Variants in BCAR3 observed in about 807,000 individuals in gnomAD.
BCAR3 encodes breast cancer anti-estrogen resistance protein 3.
In BCAR3, 37 loss-of-function variants were observed where a neutral mutation model predicts 80.1. The ratio of observed to expected loss-of-function variants is 0.46; its 90% confidence interval spans 0.36 to 0.61. BCAR3 has a LOEUF of 0.61. Ranked by LOEUF, BCAR3 falls within the 20% of genes least tolerant of loss-of-function variation. BCAR3 has a pLI of 0.00. For missense variants in BCAR3, 978 were observed against 1,068.2 expected (o/e 0.92, Z 1.18); for synonymous variants, 389 against 418.9 (o/e 0.93, Z 0.87).
chr1:93,702,290 G>A (rs1400587917), intron 3 of BCAR3, among the ~76,000 whole-genome samples: 1 of 152,182 alleles, frequency 6.6e-6, no homozygotes, highest in Non-Finnish European at 1.5e-5. Context: ...ATGGCGGGGA[G>A]GGGCAAGTTA....
At chr1:93,722,283 G>A (rs1650433384) in intron 2 of BCAR3, among the ~76,000 whole-genome samples, 1 of 152,194 alleles carries the variant, frequency 6.6e-6, no homozygotes, top group African/African-American at 2.4e-5. Flanking sequence ...TTGGCTTCTT[G>A]GCCTTTACTG....
chr1:93,818,364 C>G (rs1449838934), intron 2 of BCAR3, among the ~76,000 whole-genome samples: 1 of 152,194 alleles, frequency 6.6e-6, no homozygotes, highest in African/African-American at 2.4e-5. Context: ...CTTCTCAGGG[C>G]CTTCCTCTTC....
chr1:93,707,045 G>C, intron 2 of BCAR3, among the ~76,000 whole-genome samples: 1 of 151,434 alleles, frequency 6.6e-6, no homozygotes, highest in East Asian at 1.9e-4. Flanking sequence ...TGTGGTGGCG[G>C]GCGCCTGTAA....
chr1:93,597,317 T>C (rs1366958990), intron 3 of BCAR3, among the ~76,000 whole-genome samples: 2 of 152,216 alleles, frequency 1.3e-5, no homozygotes, highest in East Asian at 3.8e-4. Flanking sequence ...CCCCCTCTTG[T>C]CCAACCAAAT....
chr1:93,645,906 G>T (rs1167763503), intron 2 of BCAR3, among the ~76,000 whole-genome samples: 1 of 151,748 alleles, frequency 6.6e-6, no homozygotes, highest in African/African-American at 2.4e-5. Context: ...GAAAATTTAG[G>T]ACTATTTAGC....
At chr1:93,576,837 C>CAACT (rs1673479196) in intron 7 of BCAR3, among the ~76,000 whole-genome samples, 1 of 152,186 alleles carries the variant, frequency 6.6e-6, no homozygotes, top group African/African-American at 2.4e-5. Context: ...AGAAGTGTTA[C>CAACT]AACTGAGCCA....
intron 1 of BCAR3, among the ~76,000 whole-genome samples, chr1:93,679,989 T>C (rs1409769200): frequency 6.6e-6 from 1 of 152,214 alleles, no homozygotes; most frequent in Non-Finnish European, 1.5e-5. Flanking sequence ...GGATCTGTAG[T>C]TTTATAACTT....
chr1:93,834,898 A>T (rs1051700471), intron 2 of BCAR3, among the ~76,000 whole-genome samples: 12 of 152,048 alleles, frequency 7.9e-5, no homozygotes, highest in African/African-American at 2.4e-4. Flanking sequence ...TCTCTGATCC[A>T]CCTGACATTC....
chr1:93,845,158 T>C (rs1215964092), intron 2 of BCAR3, among the ~76,000 whole-genome samples: 5 of 151,966 alleles, frequency 3.3e-5, no homozygotes, highest in Non-Finnish European at 7.4e-5. Context: ...TGTCACTTAA[T>C]CACGTCAATG....
At position 93,592,261 on chromosome 1, in the gene BCAR3, G is replaced by A. The variant is rs1570944126; in HGVS notation, c.486+4C>T. Reference sequence around the variant, plus strand: ...TATGCTCTGGAAGGGACAAGACCAGGTACCTGTCGGGGGATGCGGCCGTGG... The same window carrying A: ...TATGCTCTGGAAGGGACAAGACCAGATACCTGTCGGGGGATGCGGCCGTGG... On this transcript the variant is annotated splice_donor_region_variant and intron_variant, in intron 4 of 11. Coordinates refer to ENST00000260502, the MANE Select transcript of BCAR3 (RefSeq NM_003567.4). The surrounding 1 kb of genome is among the most constrained non-coding windows in gnomAD (Gnocchi z 4.8). The A allele has an allele frequency of 1.9e-6, 3 of 1,613,474 alleles. No individual in the cohort carries two copies. Among genetic ancestry groups the A allele is most frequent in the Non-Finnish European group, 2.5e-6 (3 of 1,180,020 alleles).
chr1:93,752,820 T>C (rs1287348191), intron 2 of BCAR3: 14 of 152,338 alleles, frequency 9.2e-5, no homozygotes, highest in African/African-American at 3.4e-4. Flanking sequence ...GGACTAAGCT[T>C]GACTTCTGTC....
intron 2 of BCAR3, among the ~76,000 whole-genome samples, chr1:93,735,504 C>T (rs1650944362): frequency 6.6e-6 from 1 of 152,140 alleles, no homozygotes; most frequent in Non-Finnish European, 1.5e-5. Flanking sequence ...AAATGTGCTC[C>T]ACATGAAATA....
chr1:93,590,054 G>A (rs1674107454), intron 4 of BCAR3, among the ~76,000 whole-genome samples: 1 of 152,204 alleles, frequency 6.6e-6, no homozygotes, highest in Non-Finnish European at 1.5e-5. Context: ...GTGGGGAGGA[G>A]GAGTCCACAT....
chr1:93,822,917 C>G lies in BCAR3; in HGVS notation c.-63+22650G>C. 2.2e-5 allele frequency among the ~76,000 whole-genome samples: 2 copies of G among 89,262 alleles called. 1 individual carries two copies. The highest frequency in any genetic ancestry group is 1.2e-3 in the East Asian group (2 of 1,628). 58.6% of individuals were successfully genotyped at this position (89,262 alleles called of 152,430 possible). A position where few individuals can be genotyped will look rare whatever the true frequency, so the allele number is the denominator to read the frequency against. On this transcript the variant is annotated intron_variant, in intron 2 of 13. Coordinates refer to the BCAR3 transcript ENST00000370244. ...CCCATGGCCCTGTGCTTCTCAGAGG[C>G]AACCATGGAAATCCAGTTCCCTTGC...
At chr1:93,660,053 C>CGT (rs76729025) in intron 2 of BCAR3, among the ~76,000 whole-genome samples, 20,438 of 147,208 alleles carry the variant, frequency 0.14, 1,442 homozygotes, top group Middle Eastern at 0.21. Flanking sequence ...AATAAATGAA[C>CGT]GTGTGTGTGT....
chr1:93,650,485 C>T (rs1432378336), intron 2 of BCAR3, among the ~76,000 whole-genome samples: 1 of 152,196 alleles, frequency 6.6e-6, no homozygotes, highest in Non-Finnish European at 1.5e-5. Flanking sequence ...CAAATACTGC[C>T]TCTATCACTT....
chr1:93,570,776 A>G (rs1673180316), intron 9 of BCAR3, among the ~76,000 whole-genome samples: 1 of 152,236 alleles, frequency 6.6e-6, no homozygotes, highest in Non-Finnish European at 1.5e-5. Context: ...TCTCCTTCTT[A>G]TACAACACAC....
chr1:93,674,574 T>C (rs1265057690), intron 2 of BCAR3, 40 bp downstream of exon 2: 2 of 1,602,110 alleles, frequency 1.2e-6, no homozygotes, highest in Non-Finnish European at 1.7e-6. Context: ...AAAAGCTGTT[T>C]AAGACAAATC....
intron 2 of BCAR3, among the ~76,000 whole-genome samples, chr1:93,716,818 G>A (rs944061081): frequency 2.6e-5 from 4 of 152,232 alleles, no homozygotes; most frequent in Admixed American, 2.6e-4. Flanking sequence ...TGACTGGAGG[G>A]CATCCACTCT....
Sources: gnomAD v4.1 joint callset for allele counts (sites outside exome capture counted in the v4.1 genomes callset) on GRCh38, gnomAD v4.1.1 for gene constraint, Gnocchi (gnomAD v3.1) non-coding constraint, MANE v1.5 for transcripts, NCBI Gene and HGNC (gene_info 2026-07-23, HGNC 2026-07-21) for gene names.